The following CLYBL variants were observed in gnomAD, a reference collection of about 807,000 sequenced individuals.
CLYBL encodes the protein citramalyl-CoA lyase, mitochondrial.
A neutral mutation model predicts 38.9 loss-of-function variants in CLYBL; 31 were observed. The ratio of observed to expected loss-of-function variants is 0.80; its 90% CI spans 0.60 to 1.08. The LOEUF is 1.08. Among genes scored for constraint, CLYBL ranks in the 50% least tolerant of loss-of-function variants. The pLI is 0.00. For missense variants in CLYBL, 434 were observed against 411.6 expected (o/e 1.05, Z -0.47); for synonymous variants, 171 against 158.6 (o/e 1.08, Z -0.59).
At chr13:99,779,245 C>A (rs1372229042) in intron 2 of CLYBL, among the ~76,000 whole-genome samples, 2 of 152,078 alleles carry the variant, frequency 1.3e-5, no homozygotes, top group Non-Finnish European at 2.9e-5. Context: ...TGTGTTCCAG[C>A]AATTCTCCTG....
intron 2 of CLYBL, among the ~76,000 whole-genome samples, chr13:99,788,253 A>G (rs2049840881): frequency 6.6e-6 from 1 of 152,226 alleles, no homozygotes; most frequent in South Asian, 2.1e-4. Flanking sequence ...AGGAGTGGTG[A>G]GAGAGGGCAT....
At chr13:99,716,399 T>TC (rs1555293168) in intron 1 of CLYBL, among the ~76,000 whole-genome samples, 7 of 134,484 alleles carry the variant, frequency 5.2e-5, no homozygotes, top group African/African-American at 9.4e-5. Flanking sequence ...TCTTTTCTTT[T>TC]TTTTTTTTTT....
chr13:99,740,191 G>T, intron 1 of CLYBL, among the ~76,000 whole-genome samples: 1 of 152,108 alleles, frequency 6.6e-6, no homozygotes, highest in Middle Eastern at 3.2e-3. Flanking sequence ...CTCTATCTTC[G>T]CCTTCTCTGG....
chr13:99,743,966 C>CTTTT (rs1162079530), intron 1 of CLYBL, among the ~76,000 whole-genome samples: 1,698 of 69,086 alleles, frequency 0.025, 2 homozygotes, highest in East Asian at 0.037. Context: ...TCTCTTCTTT[C>CTTTT]TTTTTTTTTT....
intron 2 of CLYBL, among the ~76,000 whole-genome samples, chr13:99,811,803 C>G (rs1638832748): frequency 6.6e-6 from 1 of 152,120 alleles, no homozygotes; most frequent in Non-Finnish European, 1.5e-5. Context: ...GGGGCTATTC[C>G]ATTTTGTTAT....
At chr13:99,725,987 C>G (rs1438050153) in intron 1 of CLYBL, among the ~76,000 whole-genome samples, 1 of 152,130 alleles carries the variant, frequency 6.6e-6, no homozygotes, top group Non-Finnish European at 1.5e-5. Context: ...GTTGAAGCAT[C>G]TGTTTTTCAG....
Position 99,859,010 on chromosome 13 carries a change from G to A in CLYBL, c.399G>A (p.Leu133=). Residue 133 remains leucine (L), a synonymous_variant, in exon 3 of 9, where the codon CTG becomes CTA. Transcript: ENST00000339105. ...AATCCCGGGTCCTTCCTTCCAGCCT[G>A]ATGCTACCAAAGGTGGAAAGTCCTG... is the stretch of plus-strand genomic sequence containing the variant. ...LLQSRVLPSS[L]MLPKVESPEE... 1 of 1,614,004 alleles carries A rather than the reference G, an allele frequency of 6.2e-7. No individual in the cohort carries two copies. Among genetic ancestry groups the A allele is most frequent in the Non-Finnish European group, 8.5e-7 (1 of 1,179,954 alleles).
chr13:99,740,509 T>C (rs1439171199), intron 1 of CLYBL, among the ~76,000 whole-genome samples: 1 of 152,214 alleles, frequency 6.6e-6, no homozygotes, highest in African/African-American at 2.4e-5. Flanking sequence ...CTACGTGGGT[T>C]CTTACTCATT....
At chr13:99,812,816 C>G (rs1208705925) in intron 2 of CLYBL, among the ~76,000 whole-genome samples, 1 of 152,164 alleles carries the variant, frequency 6.6e-6, no homozygotes, top group Non-Finnish European at 1.5e-5. Context: ...AATACCCAGC[C>G]TCTGGATGGT....
intron 1 of CLYBL, among the ~76,000 whole-genome samples, chr13:99,731,283 C>T (rs2048585465): frequency 6.6e-6 from 1 of 150,872 alleles, no homozygotes; most frequent in Admixed American, 6.6e-5. Flanking sequence ...TGTTTCTTTA[C>T]TAAAGCACAA....
intron 2 of CLYBL, among the ~76,000 whole-genome samples, chr13:99,800,900 A>AC (rs2050119853): frequency 7.5e-6 from 1 of 133,534 alleles, no homozygotes; most frequent in African/African-American, 2.7e-5. Context: ...ACAACAAAAA[A>AC]AAAAAACAAA....
rs552963381 is a variant in CLYBL at position 99,715,557 on chromosome 13, C to T, written c.63-57267C>T. 1.5e-3 allele frequency among the ~76,000 whole-genome samples: 231 copies of T among 152,028 alleles called. 2 individuals carry two copies. Among genetic ancestry groups the T allele is most frequent in the African/African-American group, 5.1e-3 (211 of 41,488 alleles). On this transcript the variant is annotated intron_variant, in intron 1 of 8. Transcript: ENST00000339105. ...AGCTGGGACTACAGGTGCATGCCAC[C>T]ATGCCTGGGTAATTTTTTGTATTTT...
intron 1 of CLYBL, among the ~76,000 whole-genome samples, chr13:99,655,147 C>T (rs2047312492): frequency 6.6e-6 from 1 of 150,810 alleles, no homozygotes; most frequent in South Asian, 2.1e-4. Flanking sequence ...GTGATCTCGG[C>T]TCACTGCAAT....
At chr13:99,870,787 T>C (rs981326681) in intron 6 of CLYBL, 151 bp from the exon 7 acceptor site, 39 of 671,690 alleles carry the variant, frequency 5.8e-5, no homozygotes, top group Non-Finnish European at 8.3e-5. Flanking sequence ...GCAGGTTTTG[T>C]TTGTTTTGTT....
intron 1 of CLYBL, among the ~76,000 whole-genome samples, chr13:99,647,789 C>T (rs1262305246): frequency 6.6e-6 from 1 of 152,150 alleles, no homozygotes; most frequent in Admixed American, 6.5e-5. Flanking sequence ...CATTTCTGAG[C>T]ATGCTTTTGG....
rs542996813 is a variant in CLYBL at position 99,758,908 on chromosome 13, C to T, written c.63-13916C>T. Among the ~76,000 whole-genome samples the T allele has an allele frequency of 4.6e-5, 7 of 152,288 alleles. No homozygotes were observed. In the South Asian group the frequency reaches 1.5e-3, roughly 32 times the overall value. ...CTGGGGATGCCCTTTTTTGTGCCAC[C>T]TCCTGACTGTGCTTAGCACAGTGCA... On this transcript the variant is annotated intron_variant, in intron 1 of 8. Transcript: ENST00000339105.
chr13:99,896,060 C>G (rs1017068970), downstream of CLYBL: 5 of 151,230 alleles, frequency 3.3e-5, no homozygotes, highest in Non-Finnish European at 5.9e-5. Context: ...TGCGGAGCCC[C>G]GAGGCCTCGT....
intron 1 of CLYBL, among the ~76,000 whole-genome samples, chr13:99,699,588 A>G: frequency 6.8e-6 from 1 of 147,474 alleles, no homozygotes; most frequent in African/African-American, 2.5e-5. Context: ...AGCTACTCAG[A>G]AGGCTGAGGC....
At chr13:99,770,203 T>G (rs1427628747) in intron 1 of CLYBL, among the ~76,000 whole-genome samples, 1 of 149,978 alleles carries the variant, frequency 6.7e-6, no homozygotes, top group Non-Finnish European at 1.5e-5. Flanking sequence ...TTCTCGCTAC[T>G]CAGCCGCCCA....
Sources: gnomAD v4.1 joint callset for allele counts (sites outside exome capture counted in the v4.1 genomes callset) on GRCh38, gnomAD v4.1.1 for gene constraint, MANE v1.5 for transcripts, NCBI Gene and HGNC (gene_info 2026-07-23, HGNC 2026-07-21) for gene names.